Variants in ARAP3 observed in about 807,000 individuals in gnomAD.
The protein encoded by ARAP3 is ArfGAP with RhoGAP domain, ankyrin repeat and PH domain 3.
ARAP3 carries 82 observed loss-of-function variants against 169.2 expected under a neutral mutation model. The observed-to-expected ratio is 0.48, with a 90% CI of 0.41 to 0.58. The LOEUF (loss-of-function observed/expected upper bound fraction) is 0.58, where lower values mean the gene tolerates loss of function less well. Among genes scored for constraint, ARAP3 ranks in the 20% least tolerant of loss-of-function variants. ARAP3 has a pLI of 0.00. For synonymous variants in ARAP3, 791 were observed against 800.3 expected (o/e 0.99, Z 0.20); for missense variants, 1,764 against 2,018.0 (o/e 0.87, Z 2.41).
At position 141,654,027 on chromosome 5, in the gene ARAP3, G is replaced by T. The variant is rs1013538934; in HGVS notation, c.4558C>A (p.Leu1520Ile). ...GGGAAGCCAGGTGTCTGTGTTGGAA[G>T]GCCAGTGGGGCTGGGGGATTGGGGG... ...SSPQSPSPTG[L>I]PTQTPGFPTQ... is the part of the protein sequence containing the mutation. Residue 1520 changes from leucine (L) to isoleucine (I), a missense_variant, in exon 33 of 33, where the codon CTT becomes ATT. This residue lies in a region of ARAP3 where 1,112 missense variants were observed against 1,285.7 expected (regional missense o/e 0.86). Transcript: ENST00000239440. 4 of 1,583,088 alleles carry T rather than the reference G, an allele frequency of 2.5e-6. No individual in the cohort carries two copies. Among genetic ancestry groups the T allele is most frequent in the Non-Finnish European group, 3.4e-6 (4 of 1,165,754 alleles).
Position 141,679,792 on chromosome 5 carries a change from G to C in ARAP3, c.555C>G (p.Pro185=), listed in dbSNP as rs756600715. Residue 185 remains proline (P), a synonymous_variant, in exon 3 of 33, where the codon CCC becomes CCG. Coordinates refer to ENST00000239440, the MANE Select transcript of ARAP3 (RefSeq NM_022481.6). ...KAPDSSQISA[P]TPALRPTTGT... ...CTGTTGTGGGCCTGAGGGCAGGGGT[G>C]GGGGCAGAGATTTGGGAGCTGTCTG... The C allele has an allele frequency of 1.2e-6, 2 of 1,613,592 alleles. No homozygotes were observed. Among genetic ancestry groups the C allele is most frequent in the South Asian group, 1.1e-5 (1 of 91,052 alleles).
At chr5:141,675,544 C>A (rs2099912059) in intron 4 of ARAP3, among the ~76,000 whole-genome samples, 1 of 152,028 alleles carries the variant, frequency 6.6e-6, no homozygotes, top group Admixed American at 6.6e-5. Flanking sequence ...TATGGTGAAA[C>A]CCCGTCTCTA....
At chr5:141,660,617 C>T (rs908770261) in intron 21 of ARAP3, among the ~76,000 whole-genome samples, 1 of 151,868 alleles carries the variant, frequency 6.6e-6, no homozygotes. Context: ...TTGACCAATC[C>T]CTATAATATA....
Position 141,666,461 on chromosome 5 carries a change from A to G in ARAP3, c.2535T>C (p.Pro845=). The change falls in exon 17 of 33, where the codon CCT becomes CCC. Residue 845 remains proline, a synonymous_variant. Coordinates refer to ENST00000239440, the MANE Select transcript of ARAP3 (RefSeq NM_022481.6). Reference sequence around the variant, plus strand: ...GCCGCCGCAGATGCACCATGTCCTCAGGGGCTGGGGGGCCTGGGCCCGGCG... The same window carrying G: ...GCCGCCGCAGATGCACCATGTCCTCGGGGGCTGGGGGGCCTGGGCCCGGCG... ...CSAPGPGPPA[P]EDMVHLRRLQ... The G allele has an allele frequency of 6.3e-7, 1 of 1,596,022 alleles. No homozygotes were observed. Among genetic ancestry groups the G allele is most frequent in the Non-Finnish European group, 8.5e-7 (1 of 1,171,170 alleles).
intron 25 of ARAP3, among the ~76,000 whole-genome samples, chr5:141,657,252 T>G (rs1455230196): frequency 6.6e-6 from 1 of 152,124 alleles, no homozygotes; most frequent in Non-Finnish European, 1.5e-5. Flanking sequence ...ATTTCAAGCA[T>G]GACAAAATGC....
Position 141,654,257 on chromosome 5 carries a change from T to C in ARAP3, c.4328A>G (p.Lys1443Arg), listed in dbSNP as rs780317965. 3.1e-6 allele frequency: 5 copies of C among 1,614,026 alleles called. No individual in the cohort carries two copies. Among genetic ancestry groups the C allele is most frequent in the African/African-American group, 1.3e-5 (1 of 74,894 alleles). ...GGAGAGAAAGGGTTGATCCAATGAC[T>C]TCTGGCTGGTGAGGGGGTTCTCTGG... Reference protein sequence around the residue: ...VKPENPLTSQKSLDQPFLSKS... With the variant: ...VKPENPLTSQRSLDQPFLSKS... Residue 1443 changes from lysine to arginine, a missense_variant, in exon 33 of 33, where the codon AAG (lysine) becomes AGG (arginine). Physicochemically the swap from Lys to Arg is conservative, Grantham distance 26. Around this residue, in one of 3 missense-constraint regions of ARAP3, gnomAD observed 1,112 missense variants for 1,285.7 expected, o/e 0.86. Coordinates refer to ENST00000239440, the MANE Select transcript of ARAP3 (RefSeq NM_022481.6).
In ARAP3 at chr5:141,666,486, G is replaced by C. The variant is rs764952304; in HGVS notation, c.2510C>G (p.Ala837Gly). 6.2e-6 allele frequency: 10 copies of C among 1,601,446 alleles called. No individual in the cohort carries two copies. The Admixed American group carries it at 1.7e-4, about 27-fold the overall frequency. The change falls in exon 17 of 33, where the codon GCG (alanine) becomes GGG (glycine). Residue 837 changes from alanine to glycine, a missense_variant. Ala to Gly is a moderately conservative substitution (Grantham distance 60). This residue lies in a region of ARAP3 where 1,112 missense variants were observed against 1,285.7 expected (regional missense o/e 0.86). Coordinates refer to ENST00000239440, the MANE Select transcript of ARAP3 (RefSeq NM_022481.6). ...AGGGGCTGGGGGGCCTGGGCCCGGC[G>C]CTGAGCACAGGAAGAGGTGGTCACC... Reference protein sequence around the residue: ...LRGDHLFLCSAPGPGPPAPED... With the variant: ...LRGDHLFLCSGPGPGPPAPED...
At chr5:141,658,514 G>A (rs1032477628) in intron 24 of ARAP3, 35 bp from the exon 25 acceptor site, 9 of 1,613,510 alleles carry the variant, frequency 5.6e-6, no homozygotes, top group African/African-American at 4.0e-5. Context: ...ATTCATGCTG[G>A]TCAGGCTATT....
chr5:141,657,377 G>A (rs950447084), intron 25 of ARAP3, among the ~76,000 whole-genome samples: 3 of 152,238 alleles, frequency 2.0e-5, no homozygotes, highest in Non-Finnish European at 4.4e-5. Flanking sequence ...CATGGAGGAC[G>A]CAGGGGTCAG....
chr5:141,665,491 G>T, intron 17 of ARAP3, 117 bp from the exon 18 acceptor site: 1 of 1,060,488 alleles, frequency 9.4e-7, no homozygotes, highest in Non-Finnish European at 1.4e-6. Flanking sequence ...AAAACGTTCA[G>T]TTGAATCCTA....
Position 141,659,905 on chromosome 5 carries a change from T to C in ARAP3, c.3141A>G (p.Leu1047=). The change falls in exon 22 of 33, where the codon CTA becomes CTG. Residue 1047 remains leucine, a synonymous_variant. Coordinates refer to ENST00000239440, the MANE Select transcript of ARAP3 (RefSeq NM_022481.6). The part of the protein sequence containing the change: ...HLYRVQKCAA[L]NQMCTRNLAL... ...CCAAGTTCCGCGTGCACATCTGGTT[T>C]AGAGCCGCACATTTCTGCACCCTGC... The C allele has an allele frequency of 6.4e-7, 1 of 1,572,874 alleles. No individual in the cohort carries two copies. Among genetic ancestry groups the C allele is most frequent in the Non-Finnish European group, 8.6e-7 (1 of 1,158,302 alleles).
chr5:141,664,825 T>C (rs958448776), intron 19 of ARAP3, 97 bp downstream of exon 19: 1 of 1,365,596 alleles, frequency 7.3e-7, no homozygotes, highest in East Asian at 3.0e-5. Flanking sequence ...TTCCAGGCTG[T>C]GCTCACGTTC....
chr5:141,668,755 C>G (rs986640327), intron 16 of ARAP3, among the ~76,000 whole-genome samples: 8 of 152,110 alleles, frequency 5.3e-5, no homozygotes, highest in African/African-American at 1.9e-4. Context: ...ACAGGAGTGC[C>G]GGATGCTGCA....
chr5:141,681,711 T>C (rs994330970), intron 1 of ARAP3, among the ~76,000 whole-genome samples: 8 of 152,240 alleles, frequency 5.3e-5, no homozygotes, highest in Non-Finnish European at 4.4e-5. Context: ...CCTGGGTTTC[T>C]GTCTTCCGCC....
chr5:141,667,025 T>C (rs183903600), intron 16 of ARAP3, among the ~76,000 whole-genome samples: 11 of 152,198 alleles, frequency 7.2e-5, no homozygotes, highest in Admixed American at 7.2e-4. Flanking sequence ...TCTTCCCACC[T>C]CAGCCTCCTG....
At position 141,677,555 on chromosome 5, in the gene ARAP3, C is replaced by A. The variant is rs2099912340; in HGVS notation, c.698+1990G>T. Reference sequence around the variant, plus strand: ...CTCATCATCTCCACTACTATCACTACACTCTGAGGTCTCTCACCTACATTA... The same window carrying A: ...CTCATCATCTCCACTACTATCACTAAACTCTGAGGTCTCTCACCTACATTA... On this transcript the variant is annotated intron_variant, in intron 4 of 32. Transcript: ENST00000239440. Among the ~76,000 whole-genome samples, 3 of 152,170 alleles carry A rather than the reference C, an allele frequency of 2.0e-5. No individual in the cohort carries two copies. In the South Asian group the frequency reaches 6.2e-4, roughly 32 times the overall value.
intron 13 of ARAP3, 97 bp from the exon 14 acceptor site, chr5:141,670,725 C>CCACTGTCT: frequency 1.0e-6 from 1 of 984,224 alleles, no homozygotes; most frequent in Non-Finnish European, 1.6e-6. Context: ...ACAGTGGGAC[C>CCACTGTCT]TGACTCCACT....
At chr5:141,655,837 G>T in intron 30 of ARAP3, 32 bp downstream of exon 30, 1 of 1,614,038 alleles carries the variant, frequency 6.2e-7, no homozygotes, top group East Asian at 2.2e-5. Context: ...GGGGACCACA[G>T]ACCCAGCCCT....
intron 4 of ARAP3, among the ~76,000 whole-genome samples, chr5:141,677,608 T>C (rs934926042): frequency 2.0e-5 from 3 of 152,200 alleles, no homozygotes; most frequent in African/African-American, 7.2e-5. Context: ...CTGGTCTCTC[T>C]GCTTCTCCTT....
Sources: allele counts gnomAD v4.1 joint callset (sites outside exome capture counted in the v4.1 genomes callset), GRCh38; gene constraint gnomAD v4.1.1; regional missense constraint gnomAD v4.1.1; transcripts MANE v1.5; gene names NCBI Gene and HGNC (gene_info 2026-07-23, HGNC 2026-07-21).